ULK4: variants seen among roughly 807,000 people sequenced by gnomAD.
ULK4 encodes the protein unc-51 like kinase 4, also known as inactive serine/threonine-protein kinase ULK4.
A neutral mutation model predicts 160.6 loss-of-function variants in ULK4; 133 were observed. The observed-to-expected ratio is 0.83, with a 90% confidence interval of 0.72 to 0.96. The LOEUF (loss-of-function observed/expected upper bound fraction) is 0.96. ULK4 is among the 40% of genes least tolerant of loss of function. The pLI, the probability that ULK4 is intolerant of heterozygous loss-of-function variation, is 0.00. For synonymous variants in ULK4, 534 were observed against 539.8 expected, an observed-to-expected ratio of 0.99 and a Z score of 0.15; for missense variants, 1,580 against 1,499.5, an observed-to-expected ratio of 1.05 and a Z score of -0.89.
At chr3:41,682,864 T>C (rs1040289441) in intron 27 of ULK4, among the ~76,000 whole-genome samples, 2 of 152,210 alleles carry the variant, frequency 1.3e-5, no homozygotes, top group Admixed American at 1.3e-4. Context: ...ACTACCAACA[T>C]GATCAACAGC....
At chr3:41,395,816 G>A (rs2082047808) in intron 35 of ULK4, among the ~76,000 whole-genome samples, 1 of 152,128 alleles carries the variant, frequency 6.6e-6, no homozygotes, top group South Asian at 2.1e-4. Flanking sequence ...AAAGAAAATA[G>A]ATGAGCAGCA....
rs147964384 is a variant in ULK4, at chr3:41,810,977, G to A, written c.1848+8446C>T. On this transcript the variant is annotated intron_variant, in intron 19 of 36. Coordinates refer to ENST00000301831, the MANE Select transcript of ULK4 (RefSeq NM_017886.4). ...TAGCTCACTGCAGCCTCAAACTCCTGGGCTCAACCAATCCTTCTGCCTCAA... is the reference window on the plus strand; with the variant it reads ...TAGCTCACTGCAGCCTCAAACTCCTAGGCTCAACCAATCCTTCTGCCTCAA... 3.1e-3 allele frequency among the ~76,000 whole-genome samples: 473 copies of A among 152,104 alleles called. 1 individual carries two copies. Among genetic ancestry groups the A allele is most frequent in the African/African-American group, 0.011 (449 of 41,474 alleles).
At chr3:41,768,699 T>A (rs1426964144) in intron 21 of ULK4, among the ~76,000 whole-genome samples, 1 of 152,174 alleles carries the variant, frequency 6.6e-6, no homozygotes, top group Non-Finnish European at 1.5e-5. Flanking sequence ...GTGAGCAAAA[T>A]AACCTATTGT....
intron 35 of ULK4, among the ~76,000 whole-genome samples, chr3:41,303,446 C>T (rs369850235): frequency 6.6e-6 from 1 of 152,178 alleles, no homozygotes; most frequent in Non-Finnish European, 1.5e-5. Context: ...TGTACCACTG[C>T]ATTTATATTA....
At chr3:41,493,030 G>A (rs2084847468) in intron 32 of ULK4, among the ~76,000 whole-genome samples, 1 of 123,480 alleles carries the variant, frequency 8.1e-6, no homozygotes, top group Non-Finnish European at 1.8e-5. Context: ...GAGACAGAAA[G>A]TTAACAAGGA....
At chr3:41,583,641 A>G (rs2030554696) in intron 31 of ULK4, among the ~76,000 whole-genome samples, 1 of 152,114 alleles carries the variant, frequency 6.6e-6, no homozygotes, top group South Asian at 2.1e-4. Flanking sequence ...GATCTGTCCT[A>G]TGCTCCCAGT....
chr3:41,674,118 T>C (rs1392424498), intron 29 of ULK4, among the ~76,000 whole-genome samples: 2 of 152,234 alleles, frequency 1.3e-5, no homozygotes, highest in Non-Finnish European at 2.9e-5. Context: ...ATACAAATTA[T>C]ATTTACACTC....
At chr3:41,449,559 G>C (rs866726802) in intron 34 of ULK4, among the ~76,000 whole-genome samples, 3 of 151,816 alleles carry the variant, frequency 2.0e-5, no homozygotes, top group Admixed American at 6.6e-5. Flanking sequence ...ACTACCCCTG[G>C]GCTCCATCAC....
chr3:41,749,530 A>G (rs1174169940), intron 22 of ULK4, among the ~76,000 whole-genome samples: 2 of 152,130 alleles, frequency 1.3e-5, no homozygotes, highest in Admixed American at 6.6e-5. Flanking sequence ...GCCCAACTAT[A>G]GGCTAATGTA....
At chr3:41,365,614 T>C (rs556014525) in intron 35 of ULK4, among the ~76,000 whole-genome samples, 1 of 152,336 alleles carries the variant, frequency 6.6e-6, no homozygotes, top group East Asian at 1.9e-4. Flanking sequence ...TATCATTATG[T>C]CTAGTTTTTT....
chr3:41,513,184 C>T (rs1180261576), intron 32 of ULK4, among the ~76,000 whole-genome samples: 1 of 152,080 alleles, frequency 6.6e-6, no homozygotes, highest in Non-Finnish European at 1.5e-5. Context: ...AGACCTGAAA[C>T]CATAAAGATT....
rs1287565251 is a variant in ULK4 at position 41,491,724 on chromosome 3, TTTTA to T, written c.3227-28475_3227-28472del. 7.2e-5 allele frequency among the ~76,000 whole-genome samples: 11 copies of T among 152,150 alleles called. No individual in the cohort carries two copies. In the East Asian group the frequency reaches 2.1e-3, roughly 29 times the overall value. Reference sequence around the variant, plus strand: ...ATTTTTTTTTATTCATTTGCTTTATTTTTATTTCTTTTAATTATTATTATACTTT... The same window carrying T: ...ATTTTTTTTTATTCATTTGCTTTATTTTTCTTTTAATTATTATTATACTTT... On this transcript the variant is annotated intron_variant, in intron 32 of 36. Transcript: ENST00000301831.
chr3:41,424,457 T>C (rs935706696), intron 34 of ULK4, among the ~76,000 whole-genome samples: 3 of 152,078 alleles, frequency 2.0e-5, no homozygotes, highest in Admixed American at 6.5e-5. Flanking sequence ...ATCCCATGCC[T>C]CCTGACTGTG....
chr3:41,679,392 C>T (rs1200907351), intron 29 of ULK4, among the ~76,000 whole-genome samples: 1 of 152,134 alleles, frequency 6.6e-6, no homozygotes, highest in African/African-American at 2.4e-5. Context: ...AATGCAGACT[C>T]AAGGCTTATA....
At chr3:41,405,607 T>C (rs1166176792) in intron 34 of ULK4, among the ~76,000 whole-genome samples, 1 of 152,194 alleles carries the variant, frequency 6.6e-6, no homozygotes, top group Non-Finnish European at 1.5e-5. Flanking sequence ...ATAAGCATCC[T>C]CTTTTCTCCA....
At chr3:41,645,190 C>G (rs1050984220) in intron 30 of ULK4, among the ~76,000 whole-genome samples, 1 of 151,576 alleles carries the variant, frequency 6.6e-6, no homozygotes, top group South Asian at 2.1e-4. Context: ...TGTCGTATTT[C>G]CTTCAGTTCT....
intron 34 of ULK4, among the ~76,000 whole-genome samples, chr3:41,433,492 T>G (rs1471793758): frequency 6.6e-6 from 1 of 152,214 alleles, no homozygotes; most frequent in African/African-American, 2.4e-5. Context: ...CCTATAATTA[T>G]ATAAGCACAA....
intron 12 of ULK4, among the ~76,000 whole-genome samples, chr3:41,907,322 G>A (rs1698607056): frequency 6.6e-6 from 1 of 151,554 alleles, no homozygotes; most frequent in African/African-American, 2.4e-5. Context: ...TAAAGAGGTG[G>A]GTCTCACTCT....
At chr3:41,938,880 A>G (rs1699864017) in intron 2 of ULK4, among the ~76,000 whole-genome samples, 1 of 152,152 alleles carries the variant, frequency 6.6e-6, no homozygotes, top group Non-Finnish European at 1.5e-5. Flanking sequence ...ACTAAGACAC[A>G]CTACTTTTAT....
Sources: allele counts gnomAD v4.1 joint callset (sites outside exome capture counted in the v4.1 genomes callset), GRCh38; gene constraint gnomAD v4.1.1; transcripts MANE v1.5; gene names NCBI Gene and HGNC (gene_info 2026-07-23, HGNC 2026-07-21).